Variants in TMC1 observed in about 807,000 individuals in gnomAD.
TMC1 encodes transmembrane channel like 1, also known as transmembrane channel-like protein 1.
In TMC1, 84 loss-of-function variants were observed where a neutral mutation model predicts 105.8. The ratio of observed to expected loss-of-function variants is 0.79; its 90% CI spans 0.67 to 0.95. The LOEUF (loss-of-function observed/expected upper bound fraction) is 0.95. Among genes scored for constraint, TMC1 ranks in the 40% least tolerant of loss-of-function variants. The probability of loss-of-function intolerance (pLI) is 0.00; values close to 1 mark genes in which losing one functional copy is unlikely to be tolerated. For missense variants in TMC1, 817 were observed against 914.1 expected, an observed-to-expected ratio of 0.89 and a Z score of 1.37; for synonymous variants, 315 against 311.5, an observed-to-expected ratio of 1.01 and a Z score of -0.12.
At chr9:72,746,629 G>C (rs1031501406) in intron 10 of TMC1, among the ~76,000 whole-genome samples, 2 of 152,114 alleles carry the variant, frequency 1.3e-5, no homozygotes, top group Non-Finnish European at 2.9e-5. Context: ...CCAAAGCTCT[G>C]TCCAATAATT....
chr9:72,812,278 C>T (rs555995838), intron 18 of TMC1, among the ~76,000 whole-genome samples: 6 of 151,984 alleles, frequency 3.9e-5, no homozygotes, highest in Admixed American at 1.3e-4. Context: ...TAGCTGGGAA[C>T]GTGGAGATAT....
chr9:72,796,886 G>A (rs1828379803), intron 17 of TMC1, among the ~76,000 whole-genome samples: 1 of 152,108 alleles, frequency 6.6e-6, no homozygotes, highest in Admixed American at 6.5e-5. Context: ...AATCAGGCAA[G>A]AGAAAGAAAT....
intron 8 of TMC1, among the ~76,000 whole-genome samples, chr9:72,720,521 G>A (rs1313261720): frequency 6.6e-6 from 1 of 152,222 alleles, no homozygotes; most frequent in Non-Finnish European, 1.5e-5. Context: ...TAAGGGGACT[G>A]AGGTCCCAAT....
At chr9:72,819,367 A>G (rs1828835621) in intron 19 of TMC1, among the ~76,000 whole-genome samples, 1 of 152,198 alleles carries the variant, frequency 6.6e-6, no homozygotes, top group Admixed American at 6.5e-5. Context: ...GGTATTGGGG[A>G]GTATAATCTA....
chr9:72,605,967 G>A (rs985052310), intron 2 of TMC1, among the ~76,000 whole-genome samples: 1 of 152,158 alleles, frequency 6.6e-6, no homozygotes, highest in African/African-American at 2.4e-5. Context: ...GGGCCAAGCT[G>A]TATGGCTTCA....
At position 72,555,746 on chromosome 9, in the gene TMC1, G is replaced by A. The variant is rs911796135; in HGVS notation, c.-427-22156G>A. On this transcript the variant is annotated intron_variant, in intron 1 of 23. Coordinates refer to ENST00000297784, the MANE Select transcript of TMC1 (RefSeq NM_138691.3). Reference sequence around the variant, plus strand: ...AGCAATTCTCCTGCCTCAGCCTCCCGAGTAGCTGGGATTACAGGCATGTGC... The same window carrying A: ...AGCAATTCTCCTGCCTCAGCCTCCCAAGTAGCTGGGATTACAGGCATGTGC... Among the ~76,000 whole-genome samples, 10 of 151,660 alleles carry A rather than the reference G, an allele frequency of 6.6e-5. No individual in the cohort carries two copies. In the South Asian group the frequency reaches 1.0e-3, roughly 16 times the overall value.
At chr9:72,665,217 T>A (rs1295599739) in intron 5 of TMC1, among the ~76,000 whole-genome samples, 1 of 152,220 alleles carries the variant, frequency 6.6e-6, no homozygotes, top group Non-Finnish European at 1.5e-5. Flanking sequence ...CTGTATTTAT[T>A]GAGTGGATGG....
intron 13 of TMC1, among the ~76,000 whole-genome samples, chr9:72,783,524 A>G (rs1828125240): frequency 6.6e-6 from 1 of 152,148 alleles, no homozygotes; most frequent in South Asian, 2.1e-4. Flanking sequence ...GTGGCAGCTG[A>G]TTAGATGATG....
In TMC1 at chr9:72,690,028, T is replaced by C. The variant is rs1826438886; in HGVS notation, c.64+1272T>C. ...TCTGTCTTAAAGCTCTTTTGTCCCT[T>C]TTTTATCTCATGTTATTCTCCTTCA... On this transcript the variant is annotated intron_variant, in intron 6 of 23. Coordinates refer to ENST00000297784, the MANE Select transcript of TMC1 (RefSeq NM_138691.3). Among the ~76,000 whole-genome samples the C allele has an allele frequency of 7.9e-5, 12 of 152,018 alleles. No homozygotes were observed. In the South Asian group the frequency reaches 2.5e-3, roughly 32 times the overall value.
chr9:72,572,738 C>T (rs1416802053), intron 1 of TMC1, among the ~76,000 whole-genome samples: 1 of 152,168 alleles, frequency 6.6e-6, no homozygotes, highest in Non-Finnish European at 1.5e-5. Context: ...ACTGTAATCT[C>T]CCAGCACTTT....
At chr9:72,617,949 G>GTA (rs1176297915) in intron 3 of TMC1, among the ~76,000 whole-genome samples, 1 of 128,902 alleles carries the variant, frequency 7.8e-6, no homozygotes, top group Admixed American at 7.9e-5. Flanking sequence ...GTGTGTGTGT[G>GTA]TATGTGTGAT....
At chr9:72,648,687 C>A in intron 5 of TMC1, 23 bp downstream of exon 5, 2 of 1,598,508 alleles carry the variant, frequency 1.3e-6, no homozygotes, top group South Asian at 1.1e-5. Context: ...TCAAGACTGT[C>A]TGTAGGACAC....
At chr9:72,623,645 T>C (rs573870857) in intron 3 of TMC1, among the ~76,000 whole-genome samples, 32 of 152,152 alleles carry the variant, frequency 2.1e-4, no homozygotes, top group Non-Finnish European at 4.3e-4. Flanking sequence ...CCTCGACCCA[T>C]GCATTTTAGC....
chr9:72,580,716 GA>G (rs1269344734), intron 2 of TMC1, among the ~76,000 whole-genome samples: 1 of 152,082 alleles, frequency 6.6e-6, no homozygotes, highest in Non-Finnish European at 1.5e-5. Context: ...ATTCCCAGAC[GA>G]AAAACAAACA....
At chr9:72,587,409 C>T (rs1004737303) in intron 2 of TMC1, among the ~76,000 whole-genome samples, 6 of 152,312 alleles carry the variant, frequency 3.9e-5, no homozygotes, top group East Asian at 1.9e-4. Flanking sequence ...CCACCCACCT[C>T]GGTCTCCCAA....
chr9:72,742,356 A>T, intron 9 of TMC1, 88 bp from the exon 10 acceptor site: 1 of 985,340 alleles, frequency 1.0e-6, no homozygotes, highest in Non-Finnish European at 1.6e-6. Flanking sequence ...TTCCAAGCTT[A>T]CTGCATTGTA....
chr9:72,751,385 CT>C (rs965031140), intron 10 of TMC1, among the ~76,000 whole-genome samples: 2 of 152,206 alleles, frequency 1.3e-5, no homozygotes, highest in Non-Finnish European at 2.9e-5. Context: ...GTGGTAAACT[CT>C]TTTTGAGAAG....
At position 72,751,953 on chromosome 9, in the gene TMC1, A is replaced by G; in HGVS notation, c.639A>G (p.Pro213=). The G allele has an allele frequency of 6.3e-7, 1 of 1,593,414 alleles. No individual in the cohort carries two copies. The change falls in exon 11 of 24, where the codon CCA becomes CCG. Residue 213 remains proline (P), a synonymous_variant. Coordinates refer to ENST00000297784, the MANE Select transcript of TMC1 (RefSeq NM_138691.3). The part of the protein sequence containing the change: ...FILTFSLIML[P]EYLWGLPYGS... ...TGACATTTAGCCTCATCATGTTGCC[A>G]GAGGTGAGATCTGACTTCCAGTTTA...
intron 1 of TMC1, among the ~76,000 whole-genome samples, chr9:72,541,475 G>C (rs1458293534): frequency 6.6e-6 from 1 of 152,104 alleles, no homozygotes; most frequent in Admixed American, 6.6e-5. Context: ...ATCACCTGAG[G>C]TCAGGAGTTC....
Sources: gnomAD v4.1 joint callset for allele counts (sites outside exome capture counted in the v4.1 genomes callset) on GRCh38, gnomAD v4.1.1 for gene constraint, MANE v1.5 for transcripts, NCBI Gene and HGNC (gene_info 2026-07-23, HGNC 2026-07-21) for gene names.